SENP7: variants seen among roughly 807,000 people sequenced by gnomAD.
SENP7 encodes sentrin-specific protease 7.
A neutral mutation model predicts 141.2 loss-of-function variants in SENP7; 64 were observed. That is an observed-to-expected ratio of 0.45 (90% confidence interval 0.37 to 0.56). The LOEUF is 0.56. Among genes scored for constraint, SENP7 ranks in the 20% least tolerant of loss-of-function variants. The pLI is 0.00. For missense variants in SENP7, 1,025 were observed against 1,212.2 expected (o/e 0.85, Z 2.29); for synonymous variants, 382 against 426.4 (o/e 0.90, Z 1.28).
In SENP7 at chr3:101,460,226, G is replaced by T. The variant is rs556833055; in HGVS notation, c.187-1174C>A. On this transcript the variant is annotated intron_variant, in intron 3 of 23. Coordinates refer to ENST00000394095, the MANE Select transcript of SENP7 (RefSeq NM_020654.5). ...AAACTGATCTGATGATTAATTGCTA[G>T]AGGCTCAGAAGAACCAAAACAATCT... is the stretch of plus-strand genomic sequence containing the variant. 2.6e-5 allele frequency among the ~76,000 whole-genome samples: 4 copies of T among 152,294 alleles called. No homozygotes were observed. In the South Asian group the frequency reaches 8.3e-4, roughly 32 times the overall value.
chr3:101,432,609 G>C (rs1316859500), intron 4 of SENP7, among the ~76,000 whole-genome samples: 1 of 152,238 alleles, frequency 6.6e-6, no homozygotes, highest in Non-Finnish European at 1.5e-5. Context: ...ATGTTTGGTA[G>C]AAAGTAAGGG....
At chr3:101,371,174 A>T (rs966291378) in intron 7 of SENP7, among the ~76,000 whole-genome samples, 1 of 152,116 alleles carries the variant, frequency 6.6e-6, no homozygotes, top group African/African-American at 2.4e-5. Flanking sequence ...CTATAGTCTC[A>T]ACTACTCGGG....
intron 4 of SENP7, among the ~76,000 whole-genome samples, chr3:101,425,890 C>A (rs1372242175): frequency 6.6e-6 from 1 of 151,948 alleles, no homozygotes; most frequent in South Asian, 2.1e-4. Context: ...CAGAATAGAC[C>A]AAGTGGAGCA....
intron 4 of SENP7, among the ~76,000 whole-genome samples, chr3:101,456,429 A>G (rs1034224091): frequency 4.6e-5 from 7 of 152,132 alleles, no homozygotes; most frequent in Admixed American, 2.6e-4. Flanking sequence ...TTCAATTTCT[A>G]CTGCTATTGA....
At chr3:101,384,644 G>A (rs1003761039) in intron 6 of SENP7, among the ~76,000 whole-genome samples, 3 of 152,186 alleles carry the variant, frequency 2.0e-5, no homozygotes, top group Non-Finnish European at 2.9e-5. Context: ...GCACTCACTC[G>A]CTCACACACC....
chr3:101,380,181 G>A (rs2060456108), intron 6 of SENP7, among the ~76,000 whole-genome samples: 1 of 152,134 alleles, frequency 6.6e-6, no homozygotes, highest in Non-Finnish European at 1.5e-5. Flanking sequence ...AGAGAGGAAT[G>A]AGGAGTTCCT....
At chr3:101,457,717 T>A (rs2063402442) in intron 4 of SENP7, 1 of 1,009,844 alleles carries the variant, frequency 9.9e-7, no homozygotes. Flanking sequence ...TGATTCATGA[T>A]TGTTTCTTTC....
intron 5 of SENP7, among the ~76,000 whole-genome samples, chr3:101,415,876 G>C (rs1439930597): frequency 3.9e-5 from 6 of 152,078 alleles, no homozygotes; most frequent in Non-Finnish European, 5.9e-5. Context: ...ACTGTTTCCA[G>C]GCTATGATAT....
chr3:101,371,957 A>T, intron 7 of SENP7, 51 bp downstream of exon 7: 1 of 689,844 alleles, frequency 1.4e-6, no homozygotes, highest in Non-Finnish European at 2.3e-6. Context: ...AATTATTATT[A>T]ATACAATAAG....
At chr3:101,370,836 TAA>T (rs1397999478) in intron 7 of SENP7, among the ~76,000 whole-genome samples, 2 of 152,206 alleles carry the variant, frequency 1.3e-5, no homozygotes, top group Non-Finnish European at 2.9e-5. Flanking sequence ...CTTGTACAAA[TAA>T]AAGTTATTAC....
At chr3:101,434,538 G>C (rs2062310429) in intron 4 of SENP7, among the ~76,000 whole-genome samples, 1 of 151,718 alleles carries the variant, frequency 6.6e-6, no homozygotes, top group Non-Finnish European at 1.5e-5. Context: ...CCAACCTAAA[G>C]AAAAACAAAA....
At chr3:101,379,806 A>G (rs1255746965) in intron 6 of SENP7, among the ~76,000 whole-genome samples, 1 of 152,206 alleles carries the variant, frequency 6.6e-6, no homozygotes, top group African/African-American at 2.4e-5. Context: ...CATATGATCC[A>G]GCACTTCTAC....
intron 5 of SENP7, among the ~76,000 whole-genome samples, chr3:101,408,245 C>G (rs1162060772): frequency 6.6e-6 from 1 of 151,830 alleles, no homozygotes; most frequent in Non-Finnish European, 1.5e-5. Flanking sequence ...AATTAGGTAC[C>G]CTGAACAGAC....
chr3:101,513,095 T>G lies in SENP7; in HGVS notation c.36A>C (p.Ser12=), dbSNP rs755909933. The G allele has an allele frequency of 6.2e-7, 1 of 1,613,692 alleles. No homozygotes were observed. Among genetic ancestry groups the G allele is most frequent in the East Asian group, 2.2e-5 (1 of 44,838 alleles). Reference sequence around the variant, plus strand: ...CCTTCTCTGACCCTTTCTCACCGGATGAAGATGGCCGTCGCCCGAGCTTTC... The same window carrying G: ...CCTTCTCTGACCCTTTCTCACCGGAGGAAGATGGCCGTCGCCCGAGCTTTC... ...DKRKLGRRPS[S]SEIITEGKRK... is the part of the protein sequence containing the mutation. Residue 12 remains serine (S), a synonymous_variant, in exon 1 of 24, where the codon TCA becomes TCC. Transcript: ENST00000394095.
intron 6 of SENP7, among the ~76,000 whole-genome samples, chr3:101,374,945 T>G (rs576454095): frequency 3.2e-4 from 48 of 152,034 alleles, no homozygotes; most frequent in Admixed American, 1.3e-3. Context: ...AATTAAAAAA[T>G]GGGCAAAGTA....
chr3:101,381,256 C>T (rs868786259), intron 6 of SENP7, among the ~76,000 whole-genome samples: 3 of 152,178 alleles, frequency 2.0e-5, no homozygotes, highest in Middle Eastern at 6.8e-3. Flanking sequence ...TATATTAGAC[C>T]TGTGTTATAG....
At chr3:101,504,606 C>G (rs1374076248) in intron 1 of SENP7, among the ~76,000 whole-genome samples, 1 of 152,092 alleles carries the variant, frequency 6.6e-6, no homozygotes, top group Non-Finnish European at 1.5e-5. Flanking sequence ...AATTCATTTT[C>G]TAGTCAATTT....
At chr3:101,475,166 G>T (rs933134527) in intron 3 of SENP7, among the ~76,000 whole-genome samples, 3 of 152,018 alleles carry the variant, frequency 2.0e-5, no homozygotes, top group Non-Finnish European at 4.4e-5. Flanking sequence ...AGATCTAGAA[G>T]CAGAAATGCC....
In SENP7 at chr3:101,352,592, A is replaced by G. The variant is rs1448745153; in HGVS notation, c.1624-941T>C. Among the ~76,000 whole-genome samples the G allele has an allele frequency of 2.0e-5, 3 of 152,142 alleles. No individual in the cohort carries two copies. The East Asian group carries it at 5.8e-4, about 29-fold the overall frequency. On this transcript the variant is annotated intron_variant, in intron 11 of 23. Coordinates refer to ENST00000394095, the MANE Select transcript of SENP7 (RefSeq NM_020654.5). ...CACCTAGCTAAATCTTACATGTACT[A>G]TCTAAAGCAGACTTCTGCTTTGAAG...
Sources: allele counts gnomAD v4.1 joint callset (sites outside exome capture counted in the v4.1 genomes callset), GRCh38; gene constraint gnomAD v4.1.1; transcripts MANE v1.5; gene names NCBI Gene and HGNC (gene_info 2026-07-23, HGNC 2026-07-21).